The following RABGAP1L variants were observed in gnomAD, a reference collection of about 807,000 sequenced individuals.
RABGAP1L encodes the protein rab GTPase-activating protein 1-like.
Under a neutral mutation model 137.7 loss-of-function variants are expected in RABGAP1L, and 63 were observed. The observed-to-expected ratio is 0.46, with a 90% CI of 0.37 to 0.56. The LOEUF (loss-of-function observed/expected upper bound fraction) is 0.56, where lower values mean the gene tolerates loss of function less well. Ranked by LOEUF, RABGAP1L falls within the 20% of genes least tolerant of loss-of-function variation. The pLI is 0.00. For synonymous variants in RABGAP1L, 431 were observed against 433.7 expected (o/e 0.99, Z 0.08); for missense variants, 1,095 against 1,244.0 (o/e 0.88, Z 1.80).
chr1:174,353,561 G>T (rs1055519659), intron 11 of RABGAP1L, among the ~76,000 whole-genome samples: 6 of 152,178 alleles, frequency 3.9e-5, no homozygotes, highest in Non-Finnish European at 7.4e-5. Flanking sequence ...GACCCAGAGT[G>T]CTTTAGCCCG....
chr1:174,410,810 A>T (rs1649837692), intron 13 of RABGAP1L, among the ~76,000 whole-genome samples: 1 of 152,184 alleles, frequency 6.6e-6, no homozygotes, highest in South Asian at 2.1e-4. Flanking sequence ...AATAGCATTC[A>T]ATCTCTTGCT....
chr1:174,366,599 A>G (rs1188981912), intron 11 of RABGAP1L, among the ~76,000 whole-genome samples: 1 of 151,702 alleles, frequency 6.6e-6, no homozygotes, highest in Non-Finnish European at 1.5e-5. Context: ...GTGAAACCTC[A>G]TCTCTACTAA....
intron 1 of RABGAP1L, among the ~76,000 whole-genome samples, chr1:174,207,783 T>C (rs970197604): frequency 3.9e-5 from 6 of 152,136 alleles, no homozygotes; most frequent in African/African-American, 1.2e-4. Flanking sequence ...TCTTGAAAAA[T>C]ATAGGGGTAT....
At chr1:174,570,075 T>C (rs147218023) in intron 13 of RABGAP1L, among the ~76,000 whole-genome samples, 1 of 152,342 alleles carries the variant, frequency 6.6e-6, no homozygotes, top group East Asian at 1.9e-4. Flanking sequence ...CTGCATGTTA[T>C]TCTATGATTT....
chr1:174,620,334 C>A (rs1005283338), intron 13 of RABGAP1L, among the ~76,000 whole-genome samples: 1 of 152,188 alleles, frequency 6.6e-6, no homozygotes, highest in Admixed American at 6.5e-5. Flanking sequence ...AATATACATT[C>A]TTTTCAGCAC....
intron 17 of RABGAP1L, among the ~76,000 whole-genome samples, chr1:174,726,398 A>G (rs1312178106): frequency 2.0e-5 from 3 of 152,010 alleles, no homozygotes; most frequent in Non-Finnish European, 4.4e-5. Flanking sequence ...GGTGTATGCC[A>G]CCATGCCCAG....
At chr1:174,816,316 A>T (rs763567363) in intron 19 of RABGAP1L, among the ~76,000 whole-genome samples, 14 of 151,632 alleles carry the variant, frequency 9.2e-5, no homozygotes, top group Non-Finnish European at 1.9e-4. Context: ...CCACGCCCAG[A>T]TAATGTTCTA....
intron 13 of RABGAP1L, among the ~76,000 whole-genome samples, chr1:174,454,127 G>T (rs1655763418): frequency 6.6e-6 from 1 of 152,032 alleles, no homozygotes; most frequent in African/African-American, 2.4e-5. Context: ...GCTGGGTATG[G>T]TGACATGCAC....
chr1:174,445,825 C>T lies in RABGAP1L; in HGVS notation c.1710+51680C>T, dbSNP rs1341620554. On this transcript the variant is annotated intron_variant, in intron 13 of 25. Transcript: ENST00000681986. Reference sequence around the variant, plus strand: ...GTTTATTTTTTCTGTCTTGTCCATACGAAATAATCTTTACAAATGCTATAA... The same window carrying T: ...GTTTATTTTTTCTGTCTTGTCCATATGAAATAATCTTTACAAATGCTATAA... Among the ~76,000 whole-genome samples, 7 of 152,088 alleles carry T rather than the reference C, an allele frequency of 4.6e-5. No individual in the cohort carries two copies. In the South Asian group the frequency reaches 6.2e-4, roughly 13 times the overall value.
chr1:174,905,402 A>G (rs1481342874), intron 19 of RABGAP1L, among the ~76,000 whole-genome samples: 1 of 152,206 alleles, frequency 6.6e-6, no homozygotes, highest in African/African-American at 2.4e-5. Context: ...TTTATCAGAG[A>G]AGTTTAGCAA....
intron 19 of RABGAP1L, among the ~76,000 whole-genome samples, chr1:174,924,385 CAAAA>C (rs10688718): frequency 9.0e-4 from 63 of 70,120 alleles, no homozygotes; most frequent in African/African-American, 2.5e-3. Flanking sequence ...GACTCTGTCT[CAAAA>C]AAAAAAAAAA....
intron 19 of RABGAP1L, among the ~76,000 whole-genome samples, chr1:174,834,889 A>T (rs1573420240): frequency 1.3e-5 from 2 of 152,184 alleles, no homozygotes; most frequent in African/African-American, 4.8e-5. Flanking sequence ...AGATGAAGCC[A>T]GGGACCAGAT....
intron 11 of RABGAP1L, among the ~76,000 whole-genome samples, chr1:174,317,923 C>A (rs1320118408): frequency 6.6e-6 from 1 of 152,142 alleles, no homozygotes; most frequent in Non-Finnish European, 1.5e-5. Flanking sequence ...TCTAACAGGA[C>A]AGCACTAAGT....
rs373675640 is a variant in RABGAP1L at position 174,867,726 on chromosome 1, A to G, written c.2340+55766A>G. On this transcript the variant is annotated intron_variant, in intron 19 of 25. Coordinates refer to ENST00000681986, the MANE Select transcript of RABGAP1L (RefSeq NM_001366446.1). ...AGTGACGTGATCTCAGCTCACTGCA[A>G]CCTCCACCTCCTGAGTTCAAGCAAT... Among the ~76,000 whole-genome samples, 91 of 152,050 alleles carry G rather than the reference A, an allele frequency of 6.0e-4. 1 individual carries two copies. The South Asian group carries it at 0.019, about 32-fold the overall frequency.
chr1:174,553,467 A>G (rs185473982), intron 13 of RABGAP1L, among the ~76,000 whole-genome samples: 9 of 152,140 alleles, frequency 5.9e-5, no homozygotes, highest in Non-Finnish European at 1.0e-4. Context: ...TATCCCAGCC[A>G]AGATATTTCA....
At chr1:174,958,188 G>A in intron 20 of RABGAP1L, 1 of 1,387,868 alleles carries the variant, frequency 7.2e-7, no homozygotes, top group Non-Finnish European at 9.5e-7. Context: ...ATTGAGCACA[G>A]TAGTGGTGTT....
intron 23 of RABGAP1L, 53 bp from the exon 24 acceptor site, chr1:174,982,781 A>G: frequency 6.6e-7 from 1 of 1,505,218 alleles, no homozygotes; most frequent in Non-Finnish European, 9.0e-7. Context: ...TTATGTGTAC[A>G]TGCTGCAAGA....
chr1:174,462,436 T>C (rs1656792074), intron 13 of RABGAP1L, among the ~76,000 whole-genome samples: 1 of 152,188 alleles, frequency 6.6e-6, no homozygotes, highest in African/African-American at 2.4e-5. Context: ...CTTCATCTTG[T>C]TAGAGTTGGC....
At position 174,415,337 on chromosome 1, in the gene RABGAP1L, A is replaced by G. The variant is rs546148227; in HGVS notation, c.1710+21192A>G. Among the ~76,000 whole-genome samples, 20 of 152,206 alleles carry G rather than the reference A, an allele frequency of 1.3e-4. No homozygotes were observed. The South Asian group carries it at 2.1e-3, about 16-fold the overall frequency. On this transcript the variant is annotated intron_variant, in intron 13 of 25. Transcript: ENST00000681986. Reference sequence around the variant, plus strand: ...AATAGACTTCAATTTTCTACATACAAACATTTTTATTCCTAATAAGTGATG... The same window carrying G: ...AATAGACTTCAATTTTCTACATACAGACATTTTTATTCCTAATAAGTGATG...
Sources: gnomAD v4.1 joint callset for allele counts (sites outside exome capture counted in the v4.1 genomes callset) on GRCh38, gnomAD v4.1.1 for gene constraint, MANE v1.5 for transcripts, NCBI Gene and HGNC (gene_info 2026-07-23, HGNC 2026-07-21) for gene names.